Variants in IL31RA observed in about 807,000 individuals in gnomAD.
The protein encoded by IL31RA is interleukin-31 receptor subunit alpha.
IL31RA carries 66 observed loss-of-function variants against 83.7 expected under a neutral mutation model. That is an observed-to-expected ratio of 0.79 (90% confidence interval 0.65 to 0.97). The LOEUF is 0.97. Among genes scored for constraint, IL31RA ranks in the 50% least tolerant of loss-of-function variants. The pLI is 0.00. For synonymous variants in IL31RA, 325 were observed against 329.0 expected, an observed-to-expected ratio of 0.99 and a Z score of 0.13; for missense variants, 798 against 919.4, an observed-to-expected ratio of 0.87 and a Z score of 1.71.
intron 8 of IL31RA, among the ~76,000 whole-genome samples, chr5:55,901,471 G>A (rs2112532337): frequency 6.6e-6 from 1 of 152,160 alleles, no homozygotes; most frequent in South Asian, 2.1e-4. Flanking sequence ...CTGAAGATTA[G>A]CTACTCGTAA....
intron 1 of IL31RA, among the ~76,000 whole-genome samples, chr5:55,858,398 A>G (rs999091969): frequency 3.3e-5 from 5 of 152,234 alleles, no homozygotes; most frequent in Non-Finnish European, 5.9e-5. Flanking sequence ...TCTTAGTGTT[A>G]TAGTTATTTT....
chr5:55,855,971 A>G (rs768046067), intron 1 of IL31RA, among the ~76,000 whole-genome samples: 12 of 152,192 alleles, frequency 7.9e-5, no homozygotes, highest in Admixed American at 2.0e-4. Flanking sequence ...ACCTCTGCTC[A>G]CTGTAACCTC....
At chr5:55,856,943 A>G (rs192443467) in intron 1 of IL31RA, among the ~76,000 whole-genome samples, 3 of 152,146 alleles carry the variant, frequency 2.0e-5, no homozygotes, top group East Asian at 1.9e-4. Flanking sequence ...TCCAAATCCA[A>G]CTCTTTGAGA....
At chr5:55,854,404 T>C (rs1367894265) in intron 1 of IL31RA, among the ~76,000 whole-genome samples, 4 of 152,336 alleles carry the variant, frequency 2.6e-5, no homozygotes, top group African/African-American at 9.6e-5. Context: ...TTAATAAAAA[T>C]AGCAATTTCA....
Position 55,888,048 on chromosome 5 carries a change from A to T in IL31RA, c.607-1922A>T, listed in dbSNP as rs114090318. ...CTGGGCAACAGAGTCAGGGAAAAAA[A>T]AAAAAACAAAAAACCACACACACAG... is the stretch of plus-strand genomic sequence containing the variant. On this transcript the variant is annotated intron_variant, in intron 5 of 14. Transcript: ENST00000652347. Among the ~76,000 whole-genome samples, 985 of 152,014 alleles carry T rather than the reference A, an allele frequency of 6.5e-3. 19 individuals carry two copies. The highest frequency in any genetic ancestry group is 0.023 in the African/African-American group (965 of 41,474).
chr5:55,920,572 G>A lies in IL31RA; in HGVS notation c.*3452G>A, dbSNP rs1231349466. ...GGCAGAGTTGAGTAGTTTCAACACA[G>A]AGTTTTTCCCACAAAGCAGAAAACG... On this transcript the variant is annotated 3_prime_UTR_variant, in exon 15 of 15. Transcript: ENST00000652347. Among the ~76,000 whole-genome samples the A allele has an allele frequency of 6.6e-6, 1 of 152,196 alleles. No homozygotes were observed. The highest frequency in any genetic ancestry group is 1.5e-5 in the Non-Finnish European group (1 of 68,046).
chr5:55,906,115 G>T lies in IL31RA; in HGVS notation c.1079G>T (p.Cys360Phe). ...TTTTCTCTCCTTTCAGCATTTCAGT[G>T]CATTGAGGTCATGCAGGCCTGCGTT... ...IPAIQEKSFQCIEVMQACVAE... is the reference protein window; with the variant it reads ...IPAIQEKSFQFIEVMQACVAE... The change falls in exon 9 of 15, where the codon TGC (cysteine) becomes TTC (phenylalanine). Residue 360 changes from cysteine to phenylalanine, a missense_variant. By Grantham distance (205) the Cys-to-Phe change is radical. Coordinates refer to ENST00000652347, the MANE Select transcript of IL31RA (RefSeq NM_139017.7). 1 of 1,614,178 alleles carries T rather than the reference G, an allele frequency of 6.2e-7. No homozygotes were observed. Among genetic ancestry groups the T allele is most frequent in the Non-Finnish European group, 8.5e-7 (1 of 1,180,014 alleles).
chr5:55,875,075 T>C (rs1746754034), intron 4 of IL31RA, among the ~76,000 whole-genome samples: 1 of 152,160 alleles, frequency 6.6e-6, no homozygotes, highest in Non-Finnish European at 1.5e-5. Context: ...CATTTCCTTA[T>C]TGTGAATAGG....
chr5:55,877,724 T>C (rs1302003602), intron 4 of IL31RA, among the ~76,000 whole-genome samples: 1 of 152,206 alleles, frequency 6.6e-6, no homozygotes, highest in African/African-American at 2.4e-5. Context: ...CCATTGTATG[T>C]GATGAGTTGT....
chr5:55,920,246 G>C lies in IL31RA; in HGVS notation c.*3126G>C, dbSNP rs1304486876. 6.6e-6 allele frequency among the ~76,000 whole-genome samples: 1 copy of C among 152,192 alleles called. No individual in the cohort carries two copies. The highest frequency in any genetic ancestry group is 2.4e-5 in the African/African-American group (1 of 41,450). On this transcript the variant is annotated 3_prime_UTR_variant, in exon 15 of 15. Transcript: ENST00000652347. Reference sequence around the variant, plus strand: ...TGCTGATGCTCTGTGTGCGAGGAAAGCCTGTGCTGGCCTGTCCACCCCAGT... The same window carrying C: ...TGCTGATGCTCTGTGTGCGAGGAAACCCTGTGCTGGCCTGTCCACCCCAGT...
In IL31RA at chr5:55,906,192, A is replaced by C. The variant is rs771928755; in HGVS notation, c.1156A>C (p.Thr386Pro). Residue 386 changes from threonine (T) to proline (P), a missense_variant, in exon 9 of 15, where the codon ACT becomes CCT. Transcript: ENST00000652347. ...KWQSSALDVN[T>P]WMIEWFPDVD... Reference sequence around the variant, plus strand: ...GCAAAGCTCTGCTCTAGACGTGAACACTTGGATGATTGAATGGTTTCCGGA... The same window carrying C: ...GCAAAGCTCTGCTCTAGACGTGAACCCTTGGATGATTGAATGGTTTCCGGA... The C allele has an allele frequency of 1.2e-6, 2 of 1,614,126 alleles. No homozygotes were observed. Among genetic ancestry groups the C allele is most frequent in the Non-Finnish European group, 1.7e-6 (2 of 1,180,024 alleles).
At chr5:55,897,828 CT>C (rs758371612) in intron 7 of IL31RA, among the ~76,000 whole-genome samples, 14 of 152,158 alleles carry the variant, frequency 9.2e-5, no homozygotes, top group Non-Finnish European at 1.9e-4. Flanking sequence ...GCCAGAATTC[CT>C]TCGTGTGCCT....
At chr5:55,905,815 G>T (rs1292654560) in intron 8 of IL31RA, among the ~76,000 whole-genome samples, 1 of 152,206 alleles carries the variant, frequency 6.6e-6, no homozygotes, top group Non-Finnish European at 1.5e-5. Context: ...AGAGACACCT[G>T]TGGAAGGTAA....
At chr5:55,908,668 G>A in intron 11 of IL31RA, 2 of 1,514,632 alleles carry the variant, frequency 1.3e-6, no homozygotes, top group South Asian at 2.5e-5. Context: ...AATTTGTCCT[G>A]GTTAGGCCCT....
intron 6 of IL31RA, among the ~76,000 whole-genome samples, chr5:55,892,999 A>G (rs1179400987): frequency 6.6e-6 from 1 of 152,092 alleles, no homozygotes; most frequent in African/African-American, 2.4e-5. Flanking sequence ...GTGTTTTCCT[A>G]TTTCAATGAA....
intron 1 of IL31RA, among the ~76,000 whole-genome samples, chr5:55,859,284 G>T (rs1561536955): frequency 6.6e-6 from 1 of 152,186 alleles, no homozygotes; most frequent in African/African-American, 2.4e-5. Flanking sequence ...AGACATAGTG[G>T]AGTAGACGAT....
intron 2 of IL31RA, among the ~76,000 whole-genome samples, chr5:55,862,612 T>G (rs1202745901): frequency 9.9e-5 from 15 of 152,208 alleles, no homozygotes; most frequent in Admixed American, 9.8e-4. Context: ...TTTCACCATG[T>G]TGGCCCGGCT....
chr5:55,902,210 C>T (rs1172468961), intron 8 of IL31RA: 4 of 152,234 alleles, frequency 2.6e-5, no homozygotes, highest in South Asian at 2.1e-4. Context: ...TTTTGTGCAA[C>T]GGTGGCTAAG....
At chr5:55,845,246 G>A in the IL31RA span, among the ~76,000 whole-genome samples, 1 of 152,190 alleles carries the variant, frequency 6.6e-6, no homozygotes, top group Admixed American at 6.5e-5. Context: ...GTCATGACAA[G>A]ATGTGAAGGG....
Sources: gnomAD v4.1 joint callset for allele counts (sites outside exome capture counted in the v4.1 genomes callset) on GRCh38, gnomAD v4.1.1 for gene constraint, MANE v1.5 for transcripts, NCBI Gene and HGNC (gene_info 2026-07-23, HGNC 2026-07-21) for gene names.